Variants in FGF7 observed in about 807,000 individuals in gnomAD.
FGF7 encodes fibroblast growth factor 7, also known as FGF-7.
A neutral mutation model predicts 20.5 loss-of-function variants in FGF7; 6 were observed. The observed-to-expected ratio is 0.29, with a 90% CI of 0.16 to 0.58. The LOEUF (loss-of-function observed/expected upper bound fraction) is 0.58, where lower values mean the gene tolerates loss of function less well. Among genes scored for constraint, FGF7 ranks in the 20% least tolerant of loss-of-function variants. The probability of loss-of-function intolerance (pLI) is 0.90; values close to 1 mark genes in which losing one functional copy is unlikely to be tolerated. For missense variants in FGF7, 144 were observed against 228.8 expected, an observed-to-expected ratio of 0.63 and a Z score of 2.39; for synonymous variants, 64 against 74.7, an observed-to-expected ratio of 0.86 and a Z score of 0.74.
At chr15:49,477,600 G>A (rs1404809881) in intron 2 of FGF7, among the ~76,000 whole-genome samples, 9 of 152,144 alleles carry the variant, frequency 5.9e-5, no homozygotes, top group South Asian at 2.1e-4. Context: ...TGTGGGTTGC[G>A]TCTGGTTTTT....
In FGF7 at chr15:49,473,077, T is replaced by C. The variant is rs546448779; in HGVS notation, c.287-10074T>C. The stretch of plus-strand genomic sequence containing the variant: ...TGGGGGATTAATTTAACTAAAGGCA[T>C]ACTGTAATCTTTTTTCAACTGAATA... On this transcript the variant is annotated intron_variant, in intron 2 of 3. Transcript: ENST00000267843. 1.3e-5 allele frequency among the ~76,000 whole-genome samples: 2 copies of C among 152,292 alleles called. 1 individual carries two copies. The highest frequency in any genetic ancestry group is 4.1e-4 in the South Asian group (2 of 4,826).
chr15:49,442,784 A>G (rs2051792293), intron 2 of FGF7, among the ~76,000 whole-genome samples: 4 of 151,772 alleles, frequency 2.6e-5, no homozygotes, highest in East Asian at 3.9e-4. Flanking sequence ...CAAATACCCA[A>G]CCACTGGCTT....
At chr15:49,442,852 C>T (rs1310751668) in intron 2 of FGF7, among the ~76,000 whole-genome samples, 1 of 151,716 alleles carries the variant, frequency 6.6e-6, no homozygotes, top group African/African-American at 2.4e-5. Context: ...TACTAAGTCA[C>T]TACAATTCAC....
At chr15:49,450,392 TA>T (rs1017518362) in intron 2 of FGF7, among the ~76,000 whole-genome samples, 69 of 152,112 alleles carry the variant, frequency 4.5e-4, no homozygotes, top group Non-Finnish European at 1.5e-4. Context: ...TTGCTAAAGA[TA>T]TTTTTTTTCC....
intron 2 of FGF7, among the ~76,000 whole-genome samples, chr15:49,471,641 AT>A (rs1249532878): frequency 6.6e-6 from 1 of 152,072 alleles, no homozygotes; most frequent in African/African-American, 2.4e-5. Flanking sequence ...GAAAGTTATG[AT>A]TTTCTAATCA....
chr15:49,440,709 T>C (rs970002161), intron 2 of FGF7, among the ~76,000 whole-genome samples: 1 of 151,612 alleles, frequency 6.6e-6, no homozygotes, highest in African/African-American at 2.4e-5. Flanking sequence ...ATGAGGAAAA[T>C]GAGGCTCAGT....
chr15:49,432,195 A>C, intron 2 of FGF7, among the ~76,000 whole-genome samples: 1 of 151,678 alleles, frequency 6.6e-6, no homozygotes, highest in Non-Finnish European at 1.5e-5. Flanking sequence ...ATGTAACTGT[A>C]AGTAATGCTA....
chr15:49,444,742 A>G (rs1270502552), intron 2 of FGF7, among the ~76,000 whole-genome samples: 4 of 151,672 alleles, frequency 2.6e-5, no homozygotes, highest in Non-Finnish European at 4.4e-5. Flanking sequence ...TAAATTGCAA[A>G]TATCTCCAGC....
At chr15:49,458,293 G>A (rs904838547) in intron 2 of FGF7, among the ~76,000 whole-genome samples, 29 of 151,632 alleles carry the variant, frequency 1.9e-4, no homozygotes, top group Non-Finnish European at 2.9e-4. Flanking sequence ...ACCCCCCCAC[G>A]TGCCAAATAG....
In FGF7 at chr15:49,487,198, T is replaced by C. The variant is rs1352507474; in HGVS notation, c.*2694T>C. ...AGAAAAGAAATTATGTAGTTTTCAA[T>C]TCTGATTCCTATTCACCTTTTGTTT... On this transcript the variant is annotated 3_prime_UTR_variant, in exon 4 of 4. Coordinates refer to ENST00000267843, the MANE Select transcript of FGF7 (RefSeq NM_002009.4). The C allele has an allele frequency of 6.6e-6, 1 of 151,836 alleles. No homozygotes were observed. Among genetic ancestry groups the C allele is most frequent in the Non-Finnish European group, 1.5e-5 (1 of 67,832 alleles). The allele number at this position is 151,836 out of a possible 1,614,324, so 9.4% of individuals were successfully genotyped here.
intron 2 of FGF7, among the ~76,000 whole-genome samples, chr15:49,467,199 G>A (rs2054341217): frequency 6.6e-6 from 1 of 152,138 alleles, no homozygotes; most frequent in Non-Finnish European, 1.5e-5. Context: ...TGCTGTCTCT[G>A]AATTAGATAA....
chr15:49,441,578 A>G (rs1300523193), intron 2 of FGF7, among the ~76,000 whole-genome samples: 2 of 151,566 alleles, frequency 1.3e-5, no homozygotes, highest in Non-Finnish European at 3.0e-5. Flanking sequence ...CCATATATAG[A>G]GAGAAAAGGA....
At chr15:49,431,541 T>A (rs931267849) in intron 2 of FGF7, among the ~76,000 whole-genome samples, 7 of 151,556 alleles carry the variant, frequency 4.6e-5, no homozygotes, top group African/African-American at 1.2e-4. Flanking sequence ...AGGAAAAAAA[T>A]TTGATGTATA....
chr15:49,428,671 C>T (rs1010757763), intron 2 of FGF7, among the ~76,000 whole-genome samples: 6 of 152,088 alleles, frequency 3.9e-5, no homozygotes, highest in Admixed American at 3.9e-4. Context: ...AATCCAATCC[C>T]TCAGGATAAT....
At chr15:49,459,891 T>C (rs2053640349) in intron 2 of FGF7, among the ~76,000 whole-genome samples, 1 of 152,170 alleles carries the variant, frequency 6.6e-6, no homozygotes, top group South Asian at 2.1e-4. Flanking sequence ...TGGAGGTATT[T>C]ACACAATGTA....
chr15:49,441,449 G>T (rs1257948367), intron 2 of FGF7, among the ~76,000 whole-genome samples: 3 of 151,702 alleles, frequency 2.0e-5, no homozygotes, highest in African/African-American at 7.3e-5. Context: ...GACATTAAAT[G>T]CTAAATCATA....
intron 2 of FGF7, among the ~76,000 whole-genome samples, chr15:49,455,174 T>C (rs1463445550): frequency 5.3e-5 from 8 of 152,208 alleles, no homozygotes; most frequent in Non-Finnish European, 8.8e-5. Flanking sequence ...ATGCATGCAA[T>C]GTGACAGGCA....
chr15:49,454,069 G>A (rs1274895805), intron 2 of FGF7, among the ~76,000 whole-genome samples: 1 of 152,172 alleles, frequency 6.6e-6, no homozygotes, highest in Non-Finnish European at 1.5e-5. Flanking sequence ...TAGAAAAGAT[G>A]TGTCAGACAG....
At chr15:49,432,095 G>T (rs2050671673) in intron 2 of FGF7, among the ~76,000 whole-genome samples, 1 of 151,616 alleles carries the variant, frequency 6.6e-6, no homozygotes, top group African/African-American at 2.4e-5. Context: ...TAATGTAAGA[G>T]AAATAAGACA....
Sources: allele counts gnomAD v4.1 joint callset (sites outside exome capture counted in the v4.1 genomes callset), GRCh38; gene constraint gnomAD v4.1.1; transcripts MANE v1.5; gene names NCBI Gene and HGNC (gene_info 2026-07-23, HGNC 2026-07-21).